The following EFNA5 variants were observed in gnomAD, a reference collection of about 807,000 sequenced individuals.
The protein encoded by EFNA5 is ephrin A5, also known as ephrin-A5.
Under a neutral mutation model 22.9 loss-of-function variants are expected in EFNA5, and 5 were observed. The ratio of observed to expected loss-of-function variants is 0.22; its 90% CI spans 0.11 to 0.46. The LOEUF (loss-of-function observed/expected upper bound fraction) is 0.46. Among genes scored for constraint, EFNA5 ranks in the 20% least tolerant of loss-of-function variants. The pLI is 0.99. For synonymous variants in EFNA5, 113 were observed against 112.2 expected, an observed-to-expected ratio of 1.01 and a Z score of -0.04; for missense variants, 237 against 293.3, an observed-to-expected ratio of 0.81 and a Z score of 1.40.
chr5:107,421,240 T>A (rs1038230192), intron 2 of EFNA5, among the ~76,000 whole-genome samples: 3 of 152,216 alleles, frequency 2.0e-5, no homozygotes, highest in African/African-American at 4.8e-5. Context: ...GTTAACCACA[T>A]ACATTTAAGC....
At chr5:107,639,750 C>T (rs74537256) in intron 1 of EFNA5, among the ~76,000 whole-genome samples, 16,117 of 152,006 alleles carry the variant, frequency 0.11, 1,165 homozygotes, top group Non-Finnish European at 0.15. Context: ...AATAAGCCTC[C>T]ATTTCATTAT....
chr5:107,416,908 T>A (rs1469919555), intron 2 of EFNA5, among the ~76,000 whole-genome samples: 1 of 152,146 alleles, frequency 6.6e-6, no homozygotes. Context: ...ACAGAAACTG[T>A]TAAAGCAAAA....
chr5:107,608,239 C>T (rs920201271), intron 1 of EFNA5, among the ~76,000 whole-genome samples: 23 of 152,146 alleles, frequency 1.5e-4, no homozygotes, highest in African/African-American at 5.1e-4. Flanking sequence ...GCTCAGAATG[C>T]TTGCTTTTCA....
intron 1 of EFNA5, among the ~76,000 whole-genome samples, chr5:107,484,387 C>T (rs1474339095): frequency 1.3e-5 from 2 of 152,164 alleles, no homozygotes; most frequent in South Asian, 2.1e-4. Context: ...AGAAATTTCT[C>T]TTACTGCACA....
intron 1 of EFNA5, among the ~76,000 whole-genome samples, chr5:107,490,929 G>A (rs939758976): frequency 6.6e-6 from 1 of 152,190 alleles, no homozygotes; most frequent in African/African-American, 2.4e-5. Flanking sequence ...AAAACAAGAT[G>A]AGGTTTCATT....
chr5:107,620,524 G>C (rs961196925), intron 1 of EFNA5, among the ~76,000 whole-genome samples: 1 of 152,184 alleles, frequency 6.6e-6, no homozygotes, highest in African/African-American at 2.4e-5. Context: ...AATGGGTTCT[G>C]TATTTTCAGT....
At chr5:107,629,794 T>C (rs1313912599) in intron 1 of EFNA5, among the ~76,000 whole-genome samples, 1 of 152,182 alleles carries the variant, frequency 6.6e-6, no homozygotes, top group East Asian at 1.9e-4. Context: ...TGGTGGCTCA[T>C]GCCTGTAATC....
chr5:107,645,541 T>A (rs1476950812), intron 1 of EFNA5, among the ~76,000 whole-genome samples: 1 of 152,230 alleles, frequency 6.6e-6, no homozygotes, highest in African/African-American at 2.4e-5. Context: ...TCAAGTTTTA[T>A]AGTCAATCTA....
At chr5:107,618,118 TC>T (rs1749961612) in intron 1 of EFNA5, among the ~76,000 whole-genome samples, 1 of 152,216 alleles carries the variant, frequency 6.6e-6, no homozygotes, top group African/African-American at 2.4e-5. Context: ...CCATGCCCAT[TC>T]TTGGTACAAT....
chr5:107,532,151 G>C (rs752722868), intron 1 of EFNA5, among the ~76,000 whole-genome samples: 24 of 152,332 alleles, frequency 1.6e-4, no homozygotes, highest in Middle Eastern at 3.4e-3. Flanking sequence ...TGGATGACTG[G>C]GGAGATGGGC....
chr5:107,637,510 G>GTGTGTC (rs1252818626), intron 1 of EFNA5, among the ~76,000 whole-genome samples: 8 of 150,746 alleles, frequency 5.3e-5, no homozygotes, highest in African/African-American at 2.0e-4. Context: ...GTGTGTGTGT[G>GTGTGTC]TGTGTGTCTG....
At chr5:107,557,780 C>T (rs457369) in intron 1 of EFNA5, among the ~76,000 whole-genome samples, 24,672 of 152,158 alleles carry the variant, frequency 0.16, 2,229 homozygotes, top group Middle Eastern at 0.21. Flanking sequence ...GTTACCATTA[C>T]ATGTGTTTAG....
At chr5:107,410,963 T>C (rs1352018896) in intron 2 of EFNA5, among the ~76,000 whole-genome samples, 1 of 151,294 alleles carries the variant, frequency 6.6e-6, no homozygotes, top group Non-Finnish European at 1.5e-5. Flanking sequence ...GTGGAGTCGT[T>C]GATTTTTCAT....
intron 1 of EFNA5, among the ~76,000 whole-genome samples, chr5:107,482,870 C>CTATATATATATATATA (rs72399506): frequency 1.7e-5 from 1 of 59,112 alleles, no homozygotes; most frequent in African/African-American, 7.7e-5. Flanking sequence ...CTCTCTCTCT[C>CTATATATATATATATA]TATATATATA....
At chr5:107,661,940 T>C (rs1750971968) in intron 1 of EFNA5, among the ~76,000 whole-genome samples, 1 of 152,174 alleles carries the variant, frequency 6.6e-6, no homozygotes, top group Non-Finnish European at 1.5e-5. Flanking sequence ...AATACTTTCA[T>C]TTACTTTTAT....
intron 1 of EFNA5, among the ~76,000 whole-genome samples, chr5:107,643,853 T>C (rs1750576870): frequency 6.8e-6 from 1 of 147,186 alleles, no homozygotes; most frequent in African/African-American, 2.5e-5. Flanking sequence ...AATTCTTCTT[T>C]ATAGCTGTCT....
intron 1 of EFNA5, among the ~76,000 whole-genome samples, chr5:107,471,037 C>G (rs550600127): frequency 4.6e-5 from 7 of 152,290 alleles, no homozygotes; most frequent in East Asian, 3.9e-4. Flanking sequence ...TATTGTCACT[C>G]ATGCAATTAG....
intron 1 of EFNA5, among the ~76,000 whole-genome samples, chr5:107,640,452 T>C (rs137895401): frequency 6.6e-5 from 10 of 152,386 alleles, no homozygotes; most frequent in Admixed American, 6.5e-4. Flanking sequence ...GCTACTTCTA[T>C]AGTGAAAACA....
At chr5:107,493,105 C>G (rs2112415972) in intron 1 of EFNA5, among the ~76,000 whole-genome samples, 1 of 151,782 alleles carries the variant, frequency 6.6e-6, no homozygotes, top group East Asian at 1.9e-4. Flanking sequence ...GAAGCCACCA[C>G]CTAGAGAAAA....
Sources: allele counts gnomAD v4.1 joint callset (sites outside exome capture counted in the v4.1 genomes callset), GRCh38; gene constraint gnomAD v4.1.1; transcripts MANE v1.5; gene names NCBI Gene and HGNC (gene_info 2026-07-23, HGNC 2026-07-21).